The following PEX1 variants were observed in gnomAD, a reference collection of about 807,000 sequenced individuals.
PEX1 encodes the protein peroxisomal ATPase PEX1.
PEX1 carries 97 observed loss-of-function variants against 152.5 expected under a neutral mutation model. That is an observed-to-expected ratio of 0.64 (90% CI 0.54 to 0.75). The LOEUF (loss-of-function observed/expected upper bound fraction) is 0.75, where lower values mean the gene tolerates loss of function less well. Ranked by LOEUF, PEX1 falls within the 30% of genes least tolerant of loss-of-function variation. The pLI is 0.00. For missense variants in PEX1, 1,357 were observed against 1,516.3 expected (o/e 0.89, Z 1.74); for synonymous variants, 485 against 531.6 (o/e 0.91, Z 1.21).
rs1791190538 is a variant in PEX1 at position 92,489,883 on chromosome 7, G to T, written c.3467C>A (p.Ser1156Tyr). 1 of 1,614,004 alleles carries T rather than the reference G, an allele frequency of 6.2e-7. No individual in the cohort carries two copies. Among genetic ancestry groups the T allele is most frequent in the African/African-American group, 1.3e-5 (1 of 74,920 alleles). Residue 1156 changes from serine to tyrosine, a missense_variant, in exon 22 of 24, where the codon TCC (serine) becomes TAC (tyrosine). By Grantham distance (144) the Ser-to-Tyr change is moderately radical. Transcript: ENST00000248633. The part of the protein sequence containing the change: ...LSSQCLSAPS[S>Y]MTQDLPGVPG... ...AACTCCAGGCAAATCCTGAGTCATG[G>T]AGCTTGGTGCAGAGAGACATTGTGA...
chr7:92,517,584 C>G lies in PEX1; in HGVS notation c.931G>C (p.Ala311Pro). Reference protein sequence around the residue: ...SATSVFHKHCAIHVFPWDQEY... With the variant: ...SATSVFHKHCPIHVFPWDQEY... ...TGGTCCCATGGAAATACATGAATGG[C>G]ACAGTGTTTATGAAAAACAGAGGTT... The change falls in exon 5 of 24, where the codon GCC becomes CCC. Residue 311 changes from alanine (A) to proline (P), a missense_variant. Coordinates refer to ENST00000248633, the MANE Select transcript of PEX1 (RefSeq NM_000466.3). 1 of 1,613,990 alleles carries G rather than the reference C, an allele frequency of 6.2e-7. No homozygotes were observed. Among genetic ancestry groups the G allele is most frequent in the Non-Finnish European group, 8.5e-7 (1 of 1,179,962 alleles).
intron 17 of PEX1, among the ~76,000 whole-genome samples, chr7:92,496,001 A>G (rs1791635384): frequency 6.6e-6 from 1 of 152,000 alleles, no homozygotes; most frequent in Admixed American, 6.6e-5. Context: ...GCTCCCAAAT[A>G]TTTTCCACTA....
rs201298666 is a variant in PEX1 at position 92,509,431 on chromosome 7, T to C, written c.1588-20A>G. ...AAGGACCTACAGTTGCAAGGAAAAATCAGTTTTACATTTCAAAGTATGTCT... is the reference window on the plus strand; with the variant it reads ...AAGGACCTACAGTTGCAAGGAAAAACCAGTTTTACATTTCAAAGTATGTCT... On this transcript the variant is annotated intron_variant, in intron 8 of 23. Coordinates refer to ENST00000248633, the MANE Select transcript of PEX1 (RefSeq NM_000466.3). 2.5e-4 allele frequency: 392 copies of C among 1,555,664 alleles called. 2 individuals are homozygous for C. The African/African-American group carries it at 4.7e-3, about 18-fold the overall frequency.
chr7:92,525,396 G>T (rs1022740435), intron 1 of PEX1, among the ~76,000 whole-genome samples: 7 of 152,174 alleles, frequency 4.6e-5, no homozygotes, highest in African/African-American at 1.7e-4. Flanking sequence ...AAATTGTGTG[G>T]CCATATCCGA....
At chr7:92,497,152 A>G (rs1344564395) in intron 16 of PEX1, among the ~76,000 whole-genome samples, 1 of 152,150 alleles carries the variant, frequency 6.6e-6, no homozygotes, top group African/African-American at 2.4e-5. Context: ...ACAGTGAATT[A>G]TATACTGAAT....
At chr7:92,503,301 G>T in intron 12 of PEX1, 106 bp from the exon 13 acceptor site, 1 of 950,004 alleles carries the variant, frequency 1.1e-6, no homozygotes, top group Non-Finnish European at 1.6e-6. Flanking sequence ...CCTTTAAGGT[G>T]CAGTATGTAT....
At chr7:92,488,481 G>C (rs1378284096) in intron 23 of PEX1, among the ~76,000 whole-genome samples, 1 of 152,112 alleles carries the variant, frequency 6.6e-6, no homozygotes, top group Non-Finnish European at 1.5e-5. Flanking sequence ...ATGGTTCCCA[G>C]TCCATGGGTC....
At chr7:92,510,092 C>T (rs563505322) in intron 8 of PEX1, among the ~76,000 whole-genome samples, 4 of 151,414 alleles carry the variant, frequency 2.6e-5, no homozygotes, top group East Asian at 1.9e-4. Flanking sequence ...TGCAGTGAGC[C>T]GAGAGTGTGC....
rs1483682946 is a variant in PEX1 at position 92,509,393 on chromosome 7, C to T, written c.1606G>A (p.Val536Ile). 6 of 1,611,492 alleles carry T rather than the reference C, an allele frequency of 3.7e-6. No homozygotes were observed. Among genetic ancestry groups the T allele is most frequent in the Non-Finnish European group, 4.2e-6 (5 of 1,178,150 alleles). The change falls in exon 9 of 24, where the codon GTA (valine) becomes ATA (isoleucine). Residue 536 changes from valine (V) to isoleucine (I), a missense_variant. By Grantham distance (29) the Val-to-Ile change is conservative. Coordinates refer to ENST00000248633, the MANE Select transcript of PEX1 (RefSeq NM_000466.3). ...TTIQVLLDPM[V>I]KEENSEEIDF... Reference sequence around the variant, plus strand: ...ATTTCCTCACTGTTTTCTTCTTTTACCATAGGATCTAGAAGGACCTACAGT... The same window carrying T: ...ATTTCCTCACTGTTTTCTTCTTTTATCATAGGATCTAGAAGGACCTACAGT...
At chr7:92,526,712 T>C (rs1793281999) in intron 1 of PEX1, among the ~76,000 whole-genome samples, 1 of 152,176 alleles carries the variant, frequency 6.6e-6, no homozygotes, top group African/African-American at 2.4e-5. Context: ...GATGACCTTT[T>C]AACAAAATAA....
At position 92,511,654 on chromosome 7, in the gene PEX1, A is replaced by G. The variant is rs1792472364; in HGVS notation, c.1409T>C (p.Leu470Pro). 1 of 1,611,440 alleles carries G rather than the reference A, an allele frequency of 6.2e-7. No homozygotes were observed. The highest frequency in any genetic ancestry group is 1.3e-5 in the African/African-American group (1 of 74,914). ...AAGCATGGTGGTAGTAGACTGCTGTAGCCATGAATAAAATACAGTTTTTAT... is the reference window on the plus strand; with the variant it reads ...AAGCATGGTGGTAGTAGACTGCTGTGGCCATGAATAAAATACAGTTTTTAT... Reference protein sequence around the residue: ...EDIKTVFYSWLQQSTTTMLPL... With the variant: ...EDIKTVFYSWPQQSTTTMLPL... Residue 470 changes from leucine to proline, a missense_variant, in exon 7 of 24, where the codon CTA (leucine) becomes CCA (proline). Physicochemically the swap from Leu to Pro is moderately conservative, Grantham distance 98 (BLOSUM62 -3). Coordinates refer to ENST00000248633, the MANE Select transcript of PEX1 (RefSeq NM_000466.3).
chr7:92,524,881 CAG>C (rs1450520590), intron 1 of PEX1, among the ~76,000 whole-genome samples: 5 of 152,110 alleles, frequency 3.3e-5, no homozygotes, highest in African/African-American at 1.2e-4. Context: ...GGGTTTTCAT[CAG>C]AGTCAGCAAT....
chr7:92,496,717 TA>T lies in PEX1; in HGVS notation c.2778del (p.Phe926LeufsTer35). On this transcript the variant is annotated frameshift_variant, in exon 17 of 24. Coordinates refer to ENST00000248633, the MANE Select transcript of PEX1 (RefSeq NM_000466.3). LOFTEE classifies it high-confidence loss of function. ...AAACATTCATAGGCTACCAACCTAATAAAAATATCCCGAACAGCTTGTTCAC... is the reference window on the plus strand; with the variant it reads ...AAACATTCATAGGCTACCAACCTAATAAAATATCCCGAACAGCTTGTTCAC... ...GASEQAVRDI[F>X]IRAQAAKPCI... 1 of 1,602,872 alleles carries T rather than the reference TA, an allele frequency of 6.2e-7. No homozygotes were observed. The highest frequency in any genetic ancestry group is 8.5e-7 in the Non-Finnish European group (1 of 1,169,900).
chr7:92,517,099 A>G (rs1251934876), intron 5 of PEX1, among the ~76,000 whole-genome samples, 177 bp downstream of exon 5: 1 of 152,154 alleles, frequency 6.6e-6, no homozygotes, highest in Admixed American at 6.5e-5. Context: ...AAAACATACA[A>G]TCTTTATCCA....
Position 92,509,399 on chromosome 7 carries a change from G to A in PEX1, c.1600C>T (p.Pro534Ser), listed in dbSNP as rs1419015282. 6.2e-7 allele frequency: 1 copy of A among 1,609,540 alleles called. No homozygotes were observed. The highest frequency in any genetic ancestry group is 8.5e-7 in the Non-Finnish European group (1 of 1,176,490). The change falls in exon 9 of 24, where the codon CCT (proline) becomes TCT (serine). Residue 534 changes from proline (P) to serine (S), a missense_variant. Transcript: ENST00000248633. ...QKTTIQVLLD[P>S]MVKEENSEEI... ...TCACTGTTTTCTTCTTTTACCATAG[G>A]ATCTAGAAGGACCTACAGTTGCAAG...
In PEX1 at chr7:92,489,707, G is replaced by A. The variant is rs761255965; in HGVS notation, c.3636+7C>T. 2 of 1,609,866 alleles carry A rather than the reference G, an allele frequency of 1.2e-6. No homozygotes were observed. Among genetic ancestry groups the A allele is most frequent in the Non-Finnish European group, 1.7e-6 (2 of 1,176,084 alleles). ...TAACAATTATAATGAGGGGGAAAAA[G>A]CCATACTCCACTTTGGCTCCGGTAT... is the stretch of plus-strand genomic sequence containing the variant. On this transcript the variant is annotated splice_region_variant and intron_variant, in intron 22 of 23. Transcript: ENST00000248633.
intron 20 of PEX1, among the ~76,000 whole-genome samples, chr7:92,492,267 C>G (rs754000249): frequency 3.9e-5 from 6 of 152,080 alleles, no homozygotes; most frequent in Non-Finnish European, 7.4e-5. Flanking sequence ...ACAGCCTCTC[C>G]CAAGAAGCTA....
At chr7:92,489,452 G>A in intron 22 of PEX1, 29 bp from the exon 23 acceptor site, 1 of 1,598,268 alleles carries the variant, frequency 6.3e-7, no homozygotes, top group Non-Finnish European at 8.6e-7. Context: ...TTGACGAAGA[G>A]TTAAATTAAG....
intron 16 of PEX1, among the ~76,000 whole-genome samples, 191 bp downstream of exon 16, chr7:92,499,513 A>T (rs1238608684): frequency 6.6e-6 from 1 of 152,212 alleles, no homozygotes; most frequent in Non-Finnish European, 1.5e-5. Flanking sequence ...TAGAGACAAA[A>T]AGCAGATGAA....
Sources: allele counts gnomAD v4.1 joint callset (sites outside exome capture counted in the v4.1 genomes callset), GRCh38; gene constraint gnomAD v4.1.1; transcripts MANE v1.5; gene names NCBI Gene and HGNC (gene_info 2026-07-23, HGNC 2026-07-21).